CTNNA3: variants seen among roughly 807,000 people sequenced by gnomAD.
CTNNA3 encodes the protein catenin alpha 3.
A neutral mutation model predicts 95.7 loss-of-function variants in CTNNA3; 76 were observed. The ratio of observed to expected loss-of-function variants is 0.79; its 90% CI spans 0.66 to 0.96. The LOEUF (loss-of-function observed/expected upper bound fraction) is 0.96, where lower values mean the gene tolerates loss of function less well. CTNNA3 is among the 40% of genes least tolerant of loss of function. The pLI, the probability that CTNNA3 is intolerant of heterozygous loss-of-function variation, is 0.00. For synonymous variants in CTNNA3, 431 were observed against 374.4 expected, an observed-to-expected ratio of 1.15 and a Z score of -1.74; for missense variants, 1,191 against 1,089.8, an observed-to-expected ratio of 1.09 and a Z score of -1.31.
At chr10:65,940,626 T>A (rs544447365) in intron 17 of CTNNA3, among the ~76,000 whole-genome samples, 28 of 152,202 alleles carry the variant, frequency 1.8e-4, no homozygotes, top group Non-Finnish European at 3.1e-4. Context: ...CACATGTGGT[T>A]TTAGCAAAAA....
At chr10:67,073,857 T>C (rs1856592977) in intron 7 of CTNNA3, among the ~76,000 whole-genome samples, 1 of 152,194 alleles carries the variant, frequency 6.6e-6, no homozygotes, top group Non-Finnish European at 1.5e-5. Flanking sequence ...GAATTCATTC[T>C]CACAATTCAA....
At chr10:66,960,026 AAGCC>A (rs1211128715) in intron 7 of CTNNA3, among the ~76,000 whole-genome samples, 3 of 152,268 alleles carry the variant, frequency 2.0e-5, no homozygotes, top group Admixed American at 1.3e-4. Context: ...AAGTCTCTTC[AAGCC>A]AGGTATGTAA....
At chr10:67,328,926 C>T (rs1302900378) in intron 5 of CTNNA3, among the ~76,000 whole-genome samples, 1 of 152,102 alleles carries the variant, frequency 6.6e-6, no homozygotes, top group African/African-American at 2.4e-5. Flanking sequence ...AACACATGTA[C>T]TTTTTCATTG....
intron 13 of CTNNA3, among the ~76,000 whole-genome samples, chr10:66,265,799 C>A (rs1015214227): frequency 6.6e-6 from 1 of 151,956 alleles, no homozygotes; most frequent in African/African-American, 2.4e-5. Flanking sequence ...TTCATCATAT[C>A]ATCCTGCTTC....
intron 13 of CTNNA3, among the ~76,000 whole-genome samples, chr10:66,278,329 G>A (rs1471765555): frequency 6.6e-6 from 1 of 151,514 alleles, no homozygotes; most frequent in Non-Finnish European, 1.5e-5. Flanking sequence ...CATTGGACAG[G>A]CACTAATTTG....
chr10:67,066,124 C>G (rs1480307976), intron 7 of CTNNA3, among the ~76,000 whole-genome samples: 1 of 151,048 alleles, frequency 6.6e-6, no homozygotes, highest in Non-Finnish European at 1.5e-5. Flanking sequence ...GAGATGAGAT[C>G]TAACTTTCTC....
chr10:66,253,059 C>T (rs879105907), intron 13 of CTNNA3, among the ~76,000 whole-genome samples: 2 of 152,122 alleles, frequency 1.3e-5, no homozygotes, highest in Admixed American at 1.3e-4. Flanking sequence ...TCATTTAGAA[C>T]ATACTTTTTA....
chr10:67,029,690 C>A (rs951803376), intron 7 of CTNNA3, among the ~76,000 whole-genome samples: 1 of 152,298 alleles, frequency 6.6e-6, no homozygotes, highest in African/African-American at 2.4e-5. Context: ...TGTGGCTCTA[C>A]TAAAGCGTAA....
At chr10:66,886,161 A>C (rs948788290) in intron 7 of CTNNA3, among the ~76,000 whole-genome samples, 3 of 152,130 alleles carry the variant, frequency 2.0e-5, no homozygotes, top group Non-Finnish European at 2.9e-5. Flanking sequence ...AAATTAGTAA[A>C]ATAAATAAAT....
intron 7 of CTNNA3, among the ~76,000 whole-genome samples, chr10:67,075,681 G>A (rs1302024460): frequency 2.0e-5 from 3 of 152,176 alleles, no homozygotes; most frequent in African/African-American, 7.2e-5. Flanking sequence ...CCTCGTAAGT[G>A]CCCACTACTA....
chr10:65,983,044 A>G (rs2078357347), intron 16 of CTNNA3, among the ~76,000 whole-genome samples: 1 of 151,682 alleles, frequency 6.6e-6, no homozygotes. Context: ...TTTTGTTCAT[A>G]ATGGAGTGCA....
chr10:67,232,460 C>T (rs1045929578), intron 5 of CTNNA3, among the ~76,000 whole-genome samples: 3 of 151,950 alleles, frequency 2.0e-5, no homozygotes, highest in Non-Finnish European at 4.4e-5. Flanking sequence ...GAAGCAAATC[C>T]TGAGAGATTT....
chr10:66,260,518 C>T (rs569648032), intron 13 of CTNNA3, among the ~76,000 whole-genome samples: 1 of 152,160 alleles, frequency 6.6e-6, no homozygotes, highest in African/African-American at 2.4e-5. Context: ...GCCCTTTCTC[C>T]AATTAATTTG....
intron 1 of CTNNA3, among the ~76,000 whole-genome samples, chr10:67,709,025 A>C (rs1322952744): frequency 6.6e-6 from 1 of 151,978 alleles, no homozygotes; most frequent in Non-Finnish European, 1.5e-5. Flanking sequence ...GCATTTCATT[A>C]TATAAATGAT....
intron 5 of CTNNA3, among the ~76,000 whole-genome samples, chr10:67,357,064 A>G (rs1324293047): frequency 6.6e-6 from 1 of 152,214 alleles, no homozygotes; most frequent in African/African-American, 2.4e-5. Context: ...CATCCTCACT[A>G]TAATAGATGA....
chr10:66,444,049 C>A (rs183375793), intron 11 of CTNNA3, among the ~76,000 whole-genome samples: 1 of 151,928 alleles, frequency 6.6e-6, no homozygotes, highest in Non-Finnish European at 1.5e-5. Context: ...GGAGCCGATG[C>A]GATCAACTGG....
At chr10:67,155,493 C>CATGTATATACT (rs1239506897) in intron 7 of CTNNA3, among the ~76,000 whole-genome samples, 1 of 149,748 alleles carries the variant, frequency 6.7e-6, no homozygotes, top group African/African-American at 2.5e-5. Flanking sequence ...TTAAAATATA[C>CATGTATATACT]ATGTATATAC....
intron 10 of CTNNA3, among the ~76,000 whole-genome samples, chr10:66,570,595 A>G (rs1381018019): frequency 6.6e-6 from 1 of 152,008 alleles, no homozygotes; most frequent in Non-Finnish European, 1.5e-5. Flanking sequence ...CCGACAAAAT[A>G]TGAATTTTTA....
At chr10:66,415,123 T>G (rs2093136264) in intron 11 of CTNNA3, among the ~76,000 whole-genome samples, 1 of 152,114 alleles carries the variant, frequency 6.6e-6, no homozygotes, top group African/African-American at 2.4e-5. Flanking sequence ...CCACAATGAC[T>G]TGGGGATCAC....
Sources: allele counts gnomAD v4.1 joint callset (sites outside exome capture counted in the v4.1 genomes callset), GRCh38; gene constraint gnomAD v4.1.1; transcripts MANE v1.5; gene names NCBI Gene and HGNC (gene_info 2026-07-23, HGNC 2026-07-21).